The following DIP2B variants were observed in gnomAD, a reference collection of about 807,000 sequenced individuals.
DIP2B encodes the protein DIP2 acetate--CoA ligase B (putative), also known as disco-interacting protein 2 homolog B.
DIP2B carries 76 observed loss-of-function variants against 198.0 expected under a neutral mutation model. That is an observed-to-expected ratio of 0.38 (90% CI 0.32 to 0.46). The LOEUF (loss-of-function observed/expected upper bound fraction) is 0.46, where lower values mean the gene tolerates loss of function less well. Among genes scored for constraint, DIP2B ranks in the 20% least tolerant of loss-of-function variants. The pLI is 0.99. For missense variants in DIP2B, 1,559 were observed against 1,978.4 expected (o/e 0.79, Z 4.02); for synonymous variants, 701 against 739.1 (o/e 0.95, Z 0.84).
intron 1 of DIP2B, among the ~76,000 whole-genome samples, chr12:50,620,003 A>G (rs1323444189): frequency 6.6e-6 from 1 of 152,184 alleles, no homozygotes; most frequent in Non-Finnish European, 1.5e-5. Flanking sequence ...AGCCATGATC[A>G]TGCCACTGCA....
chr12:50,643,146 C>CTA (rs1241005839), intron 3 of DIP2B, among the ~76,000 whole-genome samples: 1 of 151,916 alleles, frequency 6.6e-6, no homozygotes, highest in Non-Finnish European at 1.5e-5. Flanking sequence ...TTTCAATATT[C>CTA]TATATCCAAG....
chr12:50,598,988 TA>T (rs113915324), intron 1 of DIP2B, among the ~76,000 whole-genome samples: 31 of 106,334 alleles, frequency 2.9e-4, no homozygotes, highest in African/African-American at 3.8e-4. Context: ...ATATAAACAT[TA>T]AAAAAAAAAA....
At chr12:50,705,236 A>C (rs1939493301) in intron 20 of DIP2B, among the ~76,000 whole-genome samples, 1 of 152,184 alleles carries the variant, frequency 6.6e-6, no homozygotes, top group Non-Finnish European at 1.5e-5. Context: ...TAACATCTTC[A>C]GTCATATAAG....
At chr12:50,711,666 A>G (rs1272110200) in intron 22 of DIP2B, among the ~76,000 whole-genome samples, 1 of 152,086 alleles carries the variant, frequency 6.6e-6, no homozygotes, top group South Asian at 2.1e-4. Flanking sequence ...GTTTCAAGCA[A>G]TTCTCCTGCC....
intron 1 of DIP2B, among the ~76,000 whole-genome samples, chr12:50,611,043 C>T (rs531638545): frequency 1.4e-4 from 22 of 152,250 alleles, no homozygotes; most frequent in Admixed American, 4.6e-4. Flanking sequence ...TGTGACCCAT[C>T]TACCTTGGCC....
chr12:50,683,169 T>C lies in DIP2B; in HGVS notation c.1238T>C (p.Val413Ala). ...VALVYPNNDP[V>A]MFMVAFYGCL... ...CTGGTTTACCCCAACAATGATCCAG[T>C]CATGTTTATGGTGGCTTTCTATGGA... The change falls in exon 10 of 38, where the codon GTC (valine) becomes GCC (alanine). Residue 413 changes from valine to alanine, a missense_variant. Physicochemically the swap from Val to Ala is moderately conservative, Grantham distance 64. Coordinates refer to ENST00000301180, the MANE Select transcript of DIP2B (RefSeq NM_173602.3). 6.2e-7 allele frequency: 1 copy of C among 1,612,482 alleles called. No individual in the cohort carries two copies. Among genetic ancestry groups the C allele is most frequent in the Non-Finnish European group, 8.5e-7 (1 of 1,179,504 alleles).
chr12:50,509,646 G>A (rs117398140), intron 1 of DIP2B, among the ~76,000 whole-genome samples: 2 of 151,164 alleles, frequency 1.3e-5, no homozygotes, highest in East Asian at 3.9e-4. Flanking sequence ...GAATTGCAGT[G>A]ACTTTTAATG....
rs60978324 is a variant in DIP2B, at chr12:50,540,053, G to GTTTTTTTTTTT, written c.100+34832_100+34842dup. On this transcript the variant is annotated intron_variant, in intron 1 of 37. Coordinates refer to ENST00000301180, the MANE Select transcript of DIP2B (RefSeq NM_173602.3). The stretch of plus-strand genomic sequence containing the variant: ...TGGCAGGTAGTTTAGTTGTTTCTGT[G>GTTTTTTTTTTT]TTTTTTTTTTTTTTTTTTTTTTTTT... 4.1e-3 allele frequency among the ~76,000 whole-genome samples: 180 copies of GTTTTTTTTTTT among 44,144 alleles called. 2 individuals are homozygous for GTTTTTTTTTTT. The highest frequency in any genetic ancestry group is 4.4e-3 in the Non-Finnish European group (114 of 25,646). The allele number at this position is 44,144 out of a possible 152,430, so 29.0% of individuals were successfully genotyped here. A position where few individuals can be genotyped will look rare whatever the true frequency, so the allele number is the denominator to read the frequency against.
chr12:50,535,084 T>C (rs1314545918), intron 1 of DIP2B, among the ~76,000 whole-genome samples: 1 of 151,920 alleles, frequency 6.6e-6, no homozygotes, highest in African/African-American at 2.4e-5. Flanking sequence ...ATTAAAAAAT[T>C]AGCCGGGTGT....
intron 1 of DIP2B, among the ~76,000 whole-genome samples, chr12:50,551,467 A>T (rs754915137): frequency 8.5e-5 from 13 of 152,058 alleles, no homozygotes; most frequent in Non-Finnish European, 1.9e-4. Flanking sequence ...ATTTTGAGAC[A>T]GAGTCTCACT....
intron 1 of DIP2B, among the ~76,000 whole-genome samples, chr12:50,518,915 T>G (rs555128931): frequency 6.6e-6 from 1 of 152,274 alleles, no homozygotes; most frequent in Admixed American, 6.5e-5. Flanking sequence ...TAATTTTTTA[T>G]TTTTTGTAGA....
intron 5 of DIP2B, among the ~76,000 whole-genome samples, chr12:50,672,997 C>T (rs900887485): frequency 3.3e-5 from 5 of 152,072 alleles, no homozygotes; most frequent in Non-Finnish European, 5.9e-5. Context: ...AAATAGTGTC[C>T]AATTTTTTGC....
At chr12:50,741,765 G>C (rs1466503812) in intron 37 of DIP2B, among the ~76,000 whole-genome samples, 1 of 152,182 alleles carries the variant, frequency 6.6e-6, no homozygotes, top group African/African-American at 2.4e-5. Flanking sequence ...GGAATACTCT[G>C]ATACCTTCTG....
intron 1 of DIP2B, among the ~76,000 whole-genome samples, chr12:50,564,773 T>G (rs904245848): frequency 2.6e-5 from 4 of 152,196 alleles, no homozygotes; most frequent in Admixed American, 6.5e-5. Context: ...CATTGGTACC[T>G]TTTGCTGAGT....
intron 1 of DIP2B, among the ~76,000 whole-genome samples, chr12:50,523,642 T>TA (rs1366487614): frequency 6.6e-6 from 1 of 152,194 alleles, no homozygotes; most frequent in Non-Finnish European, 1.5e-5. Context: ...TACTTGGCCT[T>TA]ACCACATATT....
At chr12:50,715,827 G>C (rs184495586) in intron 23 of DIP2B, among the ~76,000 whole-genome samples, 41 of 152,324 alleles carry the variant, frequency 2.7e-4, no homozygotes, top group African/African-American at 9.1e-4. Context: ...AAAACTGGGG[G>C]TTCTGTTATT....
At chr12:50,577,416 C>T (rs1390285975) in intron 1 of DIP2B, among the ~76,000 whole-genome samples, 4 of 152,034 alleles carry the variant, frequency 2.6e-5, no homozygotes, top group Admixed American at 1.3e-4. Context: ...CCCCTGTAGT[C>T]CCAGCCACTC....
At chr12:50,593,527 A>G (rs1958838089) in intron 1 of DIP2B, among the ~76,000 whole-genome samples, 1 of 151,346 alleles carries the variant, frequency 6.6e-6, no homozygotes, top group Non-Finnish European at 1.5e-5. Context: ...AAAAGGAAAC[A>G]CAAAGCAGTC....
At chr12:50,556,731 C>T (rs1236160909) in intron 1 of DIP2B, among the ~76,000 whole-genome samples, 2 of 151,898 alleles carry the variant, frequency 1.3e-5, no homozygotes, top group South Asian at 2.1e-4. Context: ...TTTTTTGAGA[C>T]AGAGTTTTGC....
Sources: gnomAD v4.1 joint callset for allele counts (sites outside exome capture counted in the v4.1 genomes callset) on GRCh38, gnomAD v4.1.1 for gene constraint, MANE v1.5 for transcripts, NCBI Gene and HGNC (gene_info 2026-07-23, HGNC 2026-07-21) for gene names.